Variants in SV2C observed in about 807,000 individuals in gnomAD.
The protein encoded by SV2C is synaptic vesicle glycoprotein 2C.
In SV2C, 49 loss-of-function variants were observed where a neutral mutation model predicts 79.7. The observed-to-expected ratio is 0.61, with a 90% CI of 0.49 to 0.78. The LOEUF (loss-of-function observed/expected upper bound fraction) is 0.78. SV2C is among the 30% of genes least tolerant of loss of function. The pLI, the probability that SV2C is intolerant of heterozygous loss-of-function variation, is 0.00. For missense variants in SV2C, 833 were observed against 912.9 expected, an observed-to-expected ratio of 0.91 and a Z score of 1.13; for synonymous variants, 334 against 333.2, an observed-to-expected ratio of 1.00 and a Z score of -0.03.
chr5:76,019,723 G>A, the SV2C span, among the ~76,000 whole-genome samples: 6 of 152,102 alleles, frequency 3.9e-5, no homozygotes, highest in Non-Finnish European at 8.8e-5. Flanking sequence ...CATTAAAGAG[G>A]GAGAGGGGAA....
chr5:75,861,576 T>A, the SV2C span, among the ~76,000 whole-genome samples: 1 of 152,082 alleles, frequency 6.6e-6, no homozygotes, highest in East Asian at 1.9e-4. Flanking sequence ...TCAACCTAGG[T>A]GCCCATGAGT....
At chr5:76,273,146 G>GATATATATAT (rs369657969) in intron 4 of SV2C, among the ~76,000 whole-genome samples, 108 of 129,094 alleles carry the variant, frequency 8.4e-4, no homozygotes, top group African/African-American at 2.3e-3. Flanking sequence ...TTACAAAAAA[G>GATATATATAT]ATATATATAT....
intron 4 of SV2C, among the ~76,000 whole-genome samples, chr5:76,212,157 G>A (rs150481477): frequency 6.6e-6 from 1 of 152,086 alleles, no homozygotes; most frequent in East Asian, 1.9e-4. Flanking sequence ...TTCCTCGGTA[G>A]AGCAGCATCT....
the SV2C span, among the ~76,000 whole-genome samples, chr5:75,954,296 T>G: frequency 6.6e-6 from 1 of 151,994 alleles, no homozygotes; most frequent in Non-Finnish European, 1.5e-5. Context: ...CAGGCTAAGT[T>G]GTTTCAGGGA....
intron 1 of SV2C, among the ~76,000 whole-genome samples, chr5:76,085,099 C>T (rs1256521967): frequency 2.6e-5 from 4 of 152,222 alleles, no homozygotes; most frequent in Non-Finnish European, 5.9e-5. Flanking sequence ...TAATTCTTAT[C>T]CTTAATTCTG....
the SV2C span, among the ~76,000 whole-genome samples, chr5:75,928,184 C>T: frequency 1.3e-5 from 2 of 152,170 alleles, no homozygotes; most frequent in Non-Finnish European, 2.9e-5. Flanking sequence ...CCATCACCAC[C>T]ATCTACTTCC....
intron 2 of SV2C, among the ~76,000 whole-genome samples, chr5:76,187,507 TA>T (rs894327311): frequency 1.3e-5 from 2 of 152,302 alleles, no homozygotes; most frequent in African/African-American, 4.8e-5. Flanking sequence ...CAGTTCTTTC[TA>T]GCTAAGAAGA....
intron 12 of SV2C, among the ~76,000 whole-genome samples, chr5:76,313,354 A>T (rs891011952): frequency 1.3e-5 from 2 of 152,040 alleles, no homozygotes; most frequent in African/African-American, 4.8e-5. Flanking sequence ...CCTTATCATT[A>T]TATTATATAT....
At chr5:76,032,643 A>T in the SV2C span, among the ~76,000 whole-genome samples, 4 of 152,114 alleles carry the variant, frequency 2.6e-5, no homozygotes, top group Non-Finnish European at 5.9e-5. Context: ...AATCCATTCT[A>T]TCATTGTTGG....
the SV2C span, among the ~76,000 whole-genome samples, chr5:75,850,250 GC>G: frequency 4.6e-5 from 7 of 152,128 alleles, no homozygotes; most frequent in Admixed American, 6.5e-5. Flanking sequence ...TTCTTTCTGT[GC>G]AGAATGATTT....
rs1365151159 is a variant in SV2C, at chr5:76,227,575, CTT to C, written c.913+17690_913+17691del. 3.3e-5 allele frequency among the ~76,000 whole-genome samples: 5 copies of C among 152,158 alleles called. No homozygotes were observed. The South Asian group carries it at 1.0e-3, about 32-fold the overall frequency. The stretch of plus-strand genomic sequence containing the variant: ...CAGAACTCTAGGCAATTTCTGGACT[CTT>C]TGAGGCCAGAGCTGAAGTCTTAGTT... On this transcript the variant is annotated intron_variant, in intron 4 of 12. Coordinates refer to ENST00000502798, the MANE Select transcript of SV2C (RefSeq NM_014979.4).
the SV2C span, among the ~76,000 whole-genome samples, chr5:75,962,889 A>T: frequency 6.6e-6 from 1 of 152,198 alleles, no homozygotes; most frequent in South Asian, 2.1e-4. Flanking sequence ...ATGAGAAAAG[A>T]TGCTAAAGAA....
the SV2C span, among the ~76,000 whole-genome samples, chr5:75,897,091 T>C: frequency 1.4e-5 from 2 of 147,632 alleles, no homozygotes; most frequent in African/African-American, 2.6e-5. Context: ...CATTTGTCAA[T>C]TTTGTCTTTT....
chr5:75,992,593 A>G, the SV2C span, among the ~76,000 whole-genome samples: 3 of 152,032 alleles, frequency 2.0e-5, no homozygotes, highest in East Asian at 1.9e-4. Context: ...GTATCTGTCA[A>G]TGATTGGTCA....
At chr5:76,143,096 A>T (rs1182011713) in intron 2 of SV2C, among the ~76,000 whole-genome samples, 3 of 152,120 alleles carry the variant, frequency 2.0e-5, no homozygotes, top group Non-Finnish European at 4.4e-5. Flanking sequence ...GGGTTTCACC[A>T]TGTTGGCCAG....
At chr5:76,243,352 AT>A (rs1280059573) in intron 4 of SV2C, among the ~76,000 whole-genome samples, 1 of 152,130 alleles carries the variant, frequency 6.6e-6, no homozygotes, top group African/African-American at 2.4e-5. Flanking sequence ...TATTGAGGGG[AT>A]TTTATTTCCT....
the SV2C span, among the ~76,000 whole-genome samples, chr5:76,054,744 A>T: frequency 6.6e-6 from 1 of 152,048 alleles, no homozygotes. Flanking sequence ...CTAATGATCA[A>T]TGATGTTGAG....
chr5:76,305,822 A>T (rs535959022), intron 12 of SV2C, among the ~76,000 whole-genome samples: 1 of 152,356 alleles, frequency 6.6e-6, no homozygotes, highest in African/African-American at 2.4e-5. Context: ...ATGCATGGTG[A>T]CATTCTAGCT....
At position 76,327,949 on chromosome 5, in the gene SV2C, C is replaced by T. The variant is rs760123143; in HGVS notation, c.*2402C>T. The T allele has an allele frequency of 1.3e-5, 2 of 152,230 alleles. No homozygotes were observed. Among genetic ancestry groups the T allele is most frequent in the African/African-American group, 2.4e-5 (1 of 41,436 alleles). The allele number at this position is 152,230 out of a possible 1,614,324, so 9.4% of individuals were successfully genotyped here. ...TTCTTGGCCTACTTGTTACCTAATC[C>T]AAGCATCCTTGGTGGCCTAAGAGGG... On this transcript the variant is annotated 3_prime_UTR_variant, in exon 13 of 13. Coordinates refer to ENST00000502798, the MANE Select transcript of SV2C (RefSeq NM_014979.4).
Sources: allele counts gnomAD v4.1 joint callset (sites outside exome capture counted in the v4.1 genomes callset), GRCh38; gene constraint gnomAD v4.1.1; transcripts MANE v1.5; gene names NCBI Gene and HGNC (gene_info 2026-07-23, HGNC 2026-07-21).